RPGRIP1L: variants seen among roughly 807,000 people sequenced by gnomAD.
The protein encoded by RPGRIP1L is protein fantom.
Under a neutral mutation model 160.4 loss-of-function variants are expected in RPGRIP1L, and 131 were observed. The observed-to-expected ratio is 0.82, with a 90% CI of 0.71 to 0.94. The LOEUF is 0.94. RPGRIP1L is among the 40% of genes least tolerant of loss of function. The pLI is 0.00. For missense variants in RPGRIP1L, 1,522 were observed against 1,535.8 expected, an observed-to-expected ratio of 0.99 and a Z score of 0.15; for synonymous variants, 510 against 515.8, an observed-to-expected ratio of 0.99 and a Z score of 0.15.
intron 22 of RPGRIP1L, among the ~76,000 whole-genome samples, chr16:53,632,270 G>C (rs746742768): frequency 6.6e-6 from 1 of 152,168 alleles, no homozygotes; most frequent in Non-Finnish European, 1.5e-5. Context: ...AGTGTAACTG[G>C]CATAAATGAT....
chr16:53,679,777 A>T (rs1286067872), intron 6 of RPGRIP1L, among the ~76,000 whole-genome samples: 1 of 152,160 alleles, frequency 6.6e-6, no homozygotes, highest in Admixed American at 6.5e-5. Context: ...ACAAACAGCT[A>T]ATTTAGTAGG....
chr16:53,677,038 T>C (rs183211127), intron 6 of RPGRIP1L, among the ~76,000 whole-genome samples: 20 of 152,290 alleles, frequency 1.3e-4, no homozygotes, highest in African/African-American at 4.3e-4. Flanking sequence ...CATAGGGTGA[T>C]AGAAATAACA....
At chr16:53,666,375 T>C (rs1968250839) in intron 9 of RPGRIP1L, among the ~76,000 whole-genome samples, 1 of 152,108 alleles carries the variant, frequency 6.6e-6, no homozygotes, top group Non-Finnish European at 1.5e-5. Context: ...ATATCAATTA[T>C]TTAAGTTGAT....
Position 53,605,619 on chromosome 16 carries a change from T to C in RPGRIP1L, c.3702-5A>G. 1 of 1,613,864 alleles carries C rather than the reference T, an allele frequency of 6.2e-7. No individual in the cohort carries two copies. The highest frequency in any genetic ancestry group is 8.5e-7 in the Non-Finnish European group (1 of 1,179,986). On this transcript the variant is annotated splice_region_variant and splice_polypyrimidine_tract_variant and intron_variant, in intron 25 of 26. Coordinates refer to ENST00000647211, the MANE Select transcript of RPGRIP1L (RefSeq NM_015272.5). The stretch of plus-strand genomic sequence containing the variant: ...CTGACCACGGTGAAGCGAAGGCTGG[T>C]AAGGCAGAGATCAGAGAAAGTCACC...
At chr16:53,622,916 T>C (rs1347720768) in intron 22 of RPGRIP1L, among the ~76,000 whole-genome samples, 2 of 151,620 alleles carry the variant, frequency 1.3e-5, no homozygotes, top group East Asian at 3.9e-4. Context: ...GGAGGATTGC[T>C]TGAGCCTGAG....
chr16:53,664,796 G>GT (rs1968094851), intron 10 of RPGRIP1L, 74 bp downstream of exon 10: 1 of 1,515,296 alleles, frequency 6.6e-7, no homozygotes, highest in East Asian at 2.3e-5. Flanking sequence ...AGGCACCAGA[G>GT]TAAGTACTGA....
In RPGRIP1L at chr16:53,637,646, A is replaced by G. The variant is rs747214686; in HGVS notation, c.3220+49T>C. 3.9e-6 allele frequency: 6 copies of G among 1,557,090 alleles called. No individual in the cohort carries two copies. In the East Asian group the frequency reaches 1.3e-4, roughly 35 times the overall value. The stretch of plus-strand genomic sequence containing the variant: ...TATGATGCATACTCTAACAGATAAA[A>G]CAAAGCACAGGGTTAACTAAACAAT... On this transcript the variant is annotated intron_variant, in intron 21 of 26. Transcript: ENST00000647211.
chr16:53,667,452 C>T (rs12444305), intron 9 of RPGRIP1L, among the ~76,000 whole-genome samples: 12,143 of 152,274 alleles, frequency 0.08, 908 homozygotes, highest in African/African-American at 0.17. Context: ...AAGAAATCCA[C>T]AGTGGCTGGG....
chr16:53,652,078 A>ATT (rs149896787), intron 15 of RPGRIP1L, among the ~76,000 whole-genome samples: 8 of 150,070 alleles, frequency 5.3e-5, no homozygotes, highest in African/African-American at 2.0e-4. Flanking sequence ...CATCAATGAC[A>ATT]TTTTTTTTTT....
intron 12 of RPGRIP1L, 48 bp from the exon 13 acceptor site, chr16:53,657,680 G>A: frequency 9.3e-7 from 1 of 1,078,010 alleles, no homozygotes; most frequent in Non-Finnish European, 1.4e-6. Flanking sequence ...TTTCTAAGAT[G>A]TGATTTTATG....
At chr16:53,638,017 AATG>A (rs1965949716) in intron 20 of RPGRIP1L, among the ~76,000 whole-genome samples, 163 bp from the exon 21 acceptor site, 1 of 152,174 alleles carries the variant, frequency 6.6e-6, no homozygotes, top group Non-Finnish European at 1.5e-5. Context: ...AATTTGTACA[AATG>A]ATAATATATA....
chr16:53,612,472 CTTTTTTTCCAAATGGGATT>C (rs1422947246), intron 24 of RPGRIP1L, among the ~76,000 whole-genome samples: 1 of 145,300 alleles, frequency 6.9e-6, no homozygotes, highest in Non-Finnish European at 1.5e-5. Flanking sequence ...TAAAGGGGAA[CTTTTTTTCCAAATGGGATT>C]TTTTTTTTTT....
intron 10 of RPGRIP1L, among the ~76,000 whole-genome samples, chr16:53,661,085 G>C (rs143589154): frequency 6.6e-6 from 1 of 151,256 alleles, no homozygotes; most frequent in South Asian, 2.1e-4. Context: ...TATGAGGTCA[G>C]GAGTTCAAGA....
At chr16:53,657,772 C>T in intron 12 of RPGRIP1L, 140 bp from the exon 13 acceptor site, 1 of 600,552 alleles carries the variant, frequency 1.7e-6, no homozygotes, top group South Asian at 2.1e-5. Context: ...AAAGGAAGTC[C>T]TGATATATAT....
At chr16:53,695,989 T>C (rs1049156022) in intron 3 of RPGRIP1L, 162 bp downstream of exon 3, 5 of 673,760 alleles carry the variant, frequency 7.4e-6, no homozygotes, top group Non-Finnish European at 1.3e-5. Context: ...TGGTTTATTA[T>C]TCTAGTTTGC....
chr16:53,617,697 T>C (rs1053117988), intron 24 of RPGRIP1L, among the ~76,000 whole-genome samples: 5 of 152,060 alleles, frequency 3.3e-5, no homozygotes, highest in Non-Finnish European at 7.4e-5. Flanking sequence ...ACAGTAAAAA[T>C]TGGGGATAAA....
chr16:53,618,033 T>C (rs553706299), intron 24 of RPGRIP1L, among the ~76,000 whole-genome samples: 2 of 152,336 alleles, frequency 1.3e-5, no homozygotes, highest in East Asian at 1.9e-4. Flanking sequence ...TAGCCTGATA[T>C]TATTTTTTAT....
chr16:53,688,026 T>C, intron 4 of RPGRIP1L, 61 bp from the exon 5 acceptor site: 1 of 993,194 alleles, frequency 1.0e-6, no homozygotes, highest in Middle Eastern at 2.9e-4. Context: ...GGATCTTTGA[T>C]TTGCTATAAT....
chr16:53,702,591 T>C (rs949004527), intron 1 of RPGRIP1L, among the ~76,000 whole-genome samples: 2 of 152,216 alleles, frequency 1.3e-5, no homozygotes, highest in African/African-American at 2.4e-5. Flanking sequence ...CCTTAATCTT[T>C]GGAGCTCAGT....
Sources: allele counts gnomAD v4.1 joint callset (sites outside exome capture counted in the v4.1 genomes callset), GRCh38; gene constraint gnomAD v4.1.1; transcripts MANE v1.5; gene names NCBI Gene and HGNC (gene_info 2026-07-23, HGNC 2026-07-21).